The following KCND2 variants were observed in gnomAD, a reference collection of about 807,000 sequenced individuals.
KCND2 encodes A-type voltage-gated potassium channel KCND2.
A neutral mutation model predicts 54.4 loss-of-function variants in KCND2; 16 were observed. The observed-to-expected ratio is 0.29, with a 90% confidence interval of 0.20 to 0.45. KCND2 has a LOEUF of 0.45. Among genes scored for constraint, KCND2 ranks in the 20% least tolerant of loss-of-function variants. The probability of loss-of-function intolerance (pLI) is 1.00; values close to 1 mark genes in which losing one functional copy is unlikely to be tolerated. For missense variants in KCND2, 486 were observed against 824.2 expected (o/e 0.59, Z 5.02); for synonymous variants, 317 against 310.7 (o/e 1.02, Z -0.21).
intron 1 of KCND2, among the ~76,000 whole-genome samples, chr7:120,556,058 A>G (rs991563068): frequency 1.3e-5 from 2 of 152,200 alleles, no homozygotes; most frequent in Admixed American, 1.3e-4. Context: ...TGAATTCTTG[A>G]CACATGTAAG....
chr7:120,654,659 T>C (rs776575799), intron 1 of KCND2, among the ~76,000 whole-genome samples: 1 of 152,152 alleles, frequency 6.6e-6, no homozygotes, highest in Non-Finnish European at 1.5e-5. Context: ...ATAATTACAA[T>C]GGAGCAATAT....
chr7:120,613,486 G>A (rs1465975998), intron 1 of KCND2, among the ~76,000 whole-genome samples: 1 of 152,174 alleles, frequency 6.6e-6, no homozygotes, highest in Admixed American at 6.5e-5. Flanking sequence ...GGCCGAGATT[G>A]CGCCACTGCT....
chr7:120,309,474 T>TATATATATATACAC (rs1257702636), intron 1 of KCND2, among the ~76,000 whole-genome samples: 6 of 113,276 alleles, frequency 5.3e-5, no homozygotes, highest in African/African-American at 2.0e-4. Context: ...TATATATATA[T>TATATATATATACAC]ACACACACAC....
chr7:120,746,148 C>A lies in KCND2; in HGVS notation c.1715+121C>A, dbSNP rs745890898. On this transcript the variant is annotated intron_variant, in intron 5 of 5. Coordinates refer to ENST00000331113, the MANE Select transcript of KCND2 (RefSeq NM_012281.3). ...CTAGCTCCTATGGTTCAGGAAGAGA[C>A]AAAAATGGTAGCGTAACAAGTAGGA... The A allele has an allele frequency of 7.0e-6, 8 of 1,147,582 alleles. No individual in the cohort carries two copies. The African/African-American group carries it at 7.6e-5, about 11-fold the overall frequency. The allele number at this position is 1,147,582 out of a possible 1,614,324, so 71.1% of individuals were successfully genotyped here. A position where few individuals can be genotyped will look rare whatever the true frequency, so the allele number is the denominator to read the frequency against.
At chr7:120,451,904 G>A (rs377703051) in intron 1 of KCND2, among the ~76,000 whole-genome samples, 11 of 152,322 alleles carry the variant, frequency 7.2e-5, no homozygotes, top group Middle Eastern at 3.4e-3. Context: ...AATAGGTACC[G>A]ATTAATCAAG....
chr7:120,337,748 CT>C (rs929347967), intron 1 of KCND2, among the ~76,000 whole-genome samples: 1 of 152,086 alleles, frequency 6.6e-6, no homozygotes, highest in Non-Finnish European at 1.5e-5. Flanking sequence ...AAGATAATAA[CT>C]GATTATTCGT....
At chr7:120,636,614 T>G (rs1367032429) in intron 1 of KCND2, among the ~76,000 whole-genome samples, 1 of 152,142 alleles carries the variant, frequency 6.6e-6, no homozygotes, top group Non-Finnish European at 1.5e-5. Context: ...AAGCTGTACT[T>G]TTCTCACTAT....
intron 1 of KCND2, among the ~76,000 whole-genome samples, chr7:120,407,126 TC>T (rs1801372810): frequency 6.6e-6 from 1 of 151,942 alleles, no homozygotes; most frequent in East Asian, 1.9e-4. Context: ...ATTGTGAAAC[TC>T]CAAGAGGAAG....
intron 1 of KCND2, among the ~76,000 whole-genome samples, chr7:120,332,390 C>A (rs1446510967): frequency 6.6e-6 from 1 of 152,066 alleles, no homozygotes; most frequent in Non-Finnish European, 1.5e-5. Flanking sequence ...GTTTTAAAAT[C>A]AGTGATACAT....
At chr7:120,576,901 C>G (rs572709558) in intron 1 of KCND2, among the ~76,000 whole-genome samples, 2 of 152,290 alleles carry the variant, frequency 1.3e-5, no homozygotes, top group South Asian at 4.1e-4. Flanking sequence ...AATCCCAGCA[C>G]TTTGGGAGGC....
chr7:120,725,122 A>G (rs758304203), intron 1 of KCND2, among the ~76,000 whole-genome samples: 1 of 152,188 alleles, frequency 6.6e-6, no homozygotes, highest in African/African-American at 2.4e-5. Context: ...CACAAGCTAA[A>G]GAACGCAGTC....
intron 1 of KCND2, among the ~76,000 whole-genome samples, chr7:120,719,848 T>A (rs1484404486): frequency 6.6e-6 from 1 of 152,176 alleles, no homozygotes; most frequent in Non-Finnish European, 1.5e-5. Context: ...TTTTCAGTGA[T>A]CTGCTGAAGG....
intron 5 of KCND2, among the ~76,000 whole-genome samples, 196 bp downstream of exon 5, chr7:120,746,223 C>G (rs945464205): frequency 2.6e-5 from 4 of 152,118 alleles, no homozygotes; most frequent in African/African-American, 9.7e-5. Context: ...GTGGTTATAT[C>G]AGTATTAAAA....
At position 120,737,035 on chromosome 7, in the gene KCND2, TACACAC is replaced by T. The variant is rs768582158; in HGVS notation, c.1278+4006_1278+4011del. On this transcript the variant is annotated intron_variant, in intron 2 of 5. Transcript: ENST00000331113. ...ATTCATTAGAATCATCTGGAAAGCT[TACACAC>T]ACACACACACACACACACACACACA... Among the ~76,000 whole-genome samples the T allele has an allele frequency of 7.1e-3, 706 of 98,748 alleles. 4 individuals are homozygous for T. The highest frequency in any genetic ancestry group is 0.016 in the Middle Eastern group (3 of 190). 64.8% of individuals were successfully genotyped at this position (98,748 alleles called of 152,430 possible).
chr7:120,718,251 A>G (rs982913960), intron 1 of KCND2, among the ~76,000 whole-genome samples: 11 of 152,172 alleles, frequency 7.2e-5, no homozygotes, highest in African/African-American at 2.4e-4. Flanking sequence ...TCTAGAAGGA[A>G]CAGCACAACG....
At chr7:120,359,540 T>C (rs1242032377) in intron 1 of KCND2, among the ~76,000 whole-genome samples, 3 of 152,270 alleles carry the variant, frequency 2.0e-5, no homozygotes, top group South Asian at 2.1e-4. Flanking sequence ...TAAATGGTAA[T>C]GTAAATGTAG....
At chr7:120,455,800 A>T (rs888278904) in intron 1 of KCND2, among the ~76,000 whole-genome samples, 2 of 152,128 alleles carry the variant, frequency 1.3e-5, no homozygotes, top group Non-Finnish European at 2.9e-5. Context: ...TTATGGATAC[A>T]TATGTACTTC....
At chr7:120,573,004 CT>C (rs1792384902) in intron 1 of KCND2, among the ~76,000 whole-genome samples, 1 of 152,136 alleles carries the variant, frequency 6.6e-6, no homozygotes, top group Admixed American at 6.6e-5. Context: ...ATAAAACACT[CT>C]TTGATTTTGA....
chr7:120,332,728 G>T (rs1277837369), intron 1 of KCND2, among the ~76,000 whole-genome samples: 2 of 151,908 alleles, frequency 1.3e-5, no homozygotes, highest in Non-Finnish European at 2.9e-5. Context: ...AATTATAAAA[G>T]CTCATTGTTA....
Sources: allele counts gnomAD v4.1 joint callset (sites outside exome capture counted in the v4.1 genomes callset), GRCh38; gene constraint gnomAD v4.1.1; transcripts MANE v1.5; gene names NCBI Gene and HGNC (gene_info 2026-07-23, HGNC 2026-07-21).